Variants in DGKI observed in about 807,000 individuals in gnomAD.
DGKI encodes DAG kinase iota.
DGKI carries 55 observed loss-of-function variants against 147.5 expected under a neutral mutation model. The ratio of observed to expected loss-of-function variants is 0.37; its 90% confidence interval spans 0.30 to 0.47. The LOEUF is 0.47. Among genes scored for constraint, DGKI ranks in the 20% least tolerant of loss-of-function variants. DGKI has a pLI of 1.00. For synonymous variants in DGKI, 469 were observed against 477.1 expected (o/e 0.98, Z 0.22); for missense variants, 1,007 against 1,323.8 (o/e 0.76, Z 3.71).
chr7:137,519,835 G>A (rs1563065523), intron 21 of DGKI, among the ~76,000 whole-genome samples: 2 of 151,988 alleles, frequency 1.3e-5, no homozygotes, highest in African/African-American at 4.8e-5. Flanking sequence ...GATTGAGTTG[G>A]TCACTTTTAA....
At chr7:137,566,394 T>C (rs1369380888) in intron 19 of DGKI, among the ~76,000 whole-genome samples, 2 of 152,146 alleles carry the variant, frequency 1.3e-5, no homozygotes, top group Non-Finnish European at 2.9e-5. Flanking sequence ...TTTACTGCTA[T>C]ATGAGTAGCA....
At chr7:137,492,280 T>A (rs1299997073) in intron 21 of DGKI, among the ~76,000 whole-genome samples, 1 of 151,922 alleles carries the variant, frequency 6.6e-6, no homozygotes, top group Non-Finnish European at 1.5e-5. Flanking sequence ...ATAAACAGGA[T>A]CCTCCAGGCA....
Position 137,846,553 on chromosome 7 carries a change from C to A in DGKI, c.310G>T (p.Asp104Tyr). The change falls in exon 1 of 33, where the codon GAC becomes TAC. Residue 104 changes from aspartate to tyrosine, a missense_variant. Physicochemically the swap from Asp to Tyr is radical, Grantham distance 160 (BLOSUM62 -3). Transcript: ENST00000614521. The surrounding 1 kb of genome is among the most constrained non-coding windows in gnomAD (Gnocchi z 4.0). Reference protein sequence around the residue: ...SAAAAGAAALDEPAAAGQKEK... With the variant: ...SAAAAGAAALYEPAAAGQKEK... ...TTCTGGCCGGCGGCCGCGGGCTCGTCCAGGGCAGCGGCCCCCGCCGCCGCG... is the reference window on the plus strand; with the variant it reads ...TTCTGGCCGGCGGCCGCGGGCTCGTACAGGGCAGCGGCCCCCGCCGCCGCG... The A allele has an allele frequency of 6.7e-7, 1 of 1,503,024 alleles. No homozygotes were observed. Among genetic ancestry groups the A allele is most frequent in the South Asian group, 1.2e-5 (1 of 84,776 alleles). 93.1% of individuals were successfully genotyped at this position (1,503,024 alleles called of 1,614,324 possible).
chr7:137,606,311 T>A (rs1391672701), intron 10 of DGKI, among the ~76,000 whole-genome samples: 4 of 151,574 alleles, frequency 2.6e-5, no homozygotes, highest in African/African-American at 9.7e-5. Flanking sequence ...TAAAAATTTT[T>A]TAAAAAAAAA....
chr7:137,429,508 C>G (rs1054205400), intron 28 of DGKI, among the ~76,000 whole-genome samples: 22 of 149,826 alleles, frequency 1.5e-4, no homozygotes, highest in Non-Finnish European at 2.7e-4. Flanking sequence ...GACTTCATGT[C>G]TAAAACACCA....
chr7:137,429,278 A>T (rs952193139), intron 28 of DGKI, among the ~76,000 whole-genome samples: 1 of 151,488 alleles, frequency 6.6e-6, no homozygotes, highest in Non-Finnish European at 1.5e-5. Flanking sequence ...TCTTTGACAA[A>T]CCTGAGAAAA....
chr7:137,416,828 G>A (rs1812379837), intron 28 of DGKI, among the ~76,000 whole-genome samples: 1 of 152,126 alleles, frequency 6.6e-6, no homozygotes, highest in Non-Finnish European at 1.5e-5. Flanking sequence ...CCTTGAATAG[G>A]TAGAAGATCA....
intron 6 of DGKI, among the ~76,000 whole-genome samples, chr7:137,628,327 T>C (rs965962598): frequency 2.0e-5 from 3 of 152,204 alleles, no homozygotes; most frequent in African/African-American, 7.2e-5. Flanking sequence ...CCCTTGGCAA[T>C]GAGCCTGGTG....
At chr7:137,416,673 C>T (rs185174696) in intron 28 of DGKI, among the ~76,000 whole-genome samples, 21 of 152,142 alleles carry the variant, frequency 1.4e-4, no homozygotes, top group African/African-American at 4.1e-4. Flanking sequence ...TGCTTCCCCC[C>T]CTCTGGAAAC....
chr7:137,779,457 C>T (rs748082226), intron 1 of DGKI, among the ~76,000 whole-genome samples: 2 of 152,074 alleles, frequency 1.3e-5, no homozygotes, highest in Non-Finnish European at 2.9e-5. Context: ...GGACATAGAA[C>T]ATAATATCAT....
chr7:137,504,610 T>C (rs998174801), intron 21 of DGKI, among the ~76,000 whole-genome samples: 1 of 152,202 alleles, frequency 6.6e-6, no homozygotes, highest in African/African-American at 2.4e-5. Flanking sequence ...GTTAACACTA[T>C]GTATATACAC....
intron 1 of DGKI, among the ~76,000 whole-genome samples, chr7:137,754,477 T>A (rs145007305): frequency 6.6e-6 from 1 of 152,170 alleles, no homozygotes; most frequent in African/African-American, 2.4e-5. Flanking sequence ...CACCAACCTG[T>A]CTGCAATCAT....
chr7:137,762,593 T>C (rs1190006867), intron 1 of DGKI, among the ~76,000 whole-genome samples: 1 of 152,238 alleles, frequency 6.6e-6, no homozygotes, highest in Admixed American at 6.5e-5. Flanking sequence ...TGCCTGAATG[T>C]GGAACACCCT....
intron 5 of DGKI, among the ~76,000 whole-genome samples, chr7:137,652,458 A>C (rs941091612): frequency 6.6e-6 from 1 of 152,190 alleles, no homozygotes; most frequent in Non-Finnish European, 1.5e-5. Flanking sequence ...GGAAAGTCAT[A>C]AACTCCATCT....
At chr7:137,630,363 C>T (rs1223780757) in intron 6 of DGKI, among the ~76,000 whole-genome samples, 4 of 152,136 alleles carry the variant, frequency 2.6e-5, no homozygotes, top group Non-Finnish European at 5.9e-5. Flanking sequence ...AAGCCAATCA[C>T]CCCCATCATC....
chr7:137,771,317 C>T (rs1307674170), intron 1 of DGKI, among the ~76,000 whole-genome samples: 41 of 152,114 alleles, frequency 2.7e-4, no homozygotes, highest in Admixed American at 2.6e-3. Context: ...TCTCAAACTC[C>T]GGACCTCAGG....
At chr7:137,529,309 T>C (rs1409128526) in intron 20 of DGKI, among the ~76,000 whole-genome samples, 1 of 152,162 alleles carries the variant, frequency 6.6e-6, no homozygotes, top group African/African-American at 2.4e-5. Flanking sequence ...ATTACACTTG[T>C]ACTCCACAGA....
intron 3 of DGKI, among the ~76,000 whole-genome samples, chr7:137,669,744 G>GA (rs1822775637): frequency 1.3e-5 from 2 of 152,142 alleles, no homozygotes; most frequent in Non-Finnish European, 2.9e-5. Flanking sequence ...CACAAAGATA[G>GA]AAAAAAGTCA....
chr7:137,432,207 C>A (rs57992794), intron 28 of DGKI, among the ~76,000 whole-genome samples: 12,294 of 152,190 alleles, frequency 0.081, 1,415 homozygotes, highest in African/African-American at 0.25. Flanking sequence ...AATGAAACCT[C>A]TTTTCTTTAC....
Sources: gnomAD v4.1 joint callset for allele counts (sites outside exome capture counted in the v4.1 genomes callset) on GRCh38, gnomAD v4.1.1 for gene constraint, Gnocchi (gnomAD v3.1) non-coding constraint, MANE v1.5 for transcripts, NCBI Gene and HGNC (gene_info 2026-07-23, HGNC 2026-07-21) for gene names.